Variants in SMPX observed in about 807,000 individuals in gnomAD.
SMPX encodes small muscle protein X-linked, also known as small muscular protein.
A neutral mutation model predicts 6.3 loss-of-function variants in SMPX; 2 were observed. That is an observed-to-expected ratio of 0.32 (90% CI 0.13 to 0.99). The LOEUF (loss-of-function observed/expected upper bound fraction) is 0.99. SMPX is among the 50% of genes least tolerant of loss of function. The pLI, the probability that SMPX is intolerant of heterozygous loss-of-function variation, is 0.49. For synonymous variants in SMPX, 32 were observed against 24.7 expected (o/e 1.30, Z -0.88); for missense variants, 60 against 66.8 (o/e 0.90, Z 0.36).
intron 2 of SMPX, among the ~76,000 whole-genome samples, chrX:21,745,688 G>GA (rs2092820710): frequency 9.0e-6 from 1 of 111,545 alleles, no homozygotes; most frequent in African/African-American, 3.3e-5. Context: ...GACTATTTGG[G>GA]AAAAAGTTAA....
chrX:21,712,473 G>T (rs184598400), intron 4 of SMPX, among the ~76,000 whole-genome samples: 155 of 111,417 alleles, frequency 1.4e-3, no homozygotes, highest in African/African-American at 4.6e-3. Context: ...TAATCCTATT[G>T]TATTGAGAGT....
chrX:21,711,174 C>T (rs948628535), intron 4 of SMPX, among the ~76,000 whole-genome samples: 4 of 111,993 alleles, frequency 3.6e-5, no homozygotes, highest in Non-Finnish European at 3.8e-5. Flanking sequence ...TACCAGAATA[C>T]AAAAATTCGG....
chrX:21,741,026 C>T (rs1473008387), intron 3 of SMPX, among the ~76,000 whole-genome samples: 4 of 112,303 alleles, frequency 3.6e-5, no homozygotes, highest in African/African-American at 1.3e-4. Context: ...GTGTTGGGCA[C>T]ATGCCCATCT....
chrX:21,738,521 G>C (rs2092812947), intron 3 of SMPX, among the ~76,000 whole-genome samples: 1 of 110,675 alleles, frequency 9.0e-6, no homozygotes, highest in Admixed American at 9.6e-5. Flanking sequence ...ATTTGCTAGA[G>C]GTGGTGTGTA....
At chrX:21,717,572 T>C (rs917826270) in intron 4 of SMPX, among the ~76,000 whole-genome samples, 2 of 112,619 alleles carry the variant, frequency 1.8e-5, no homozygotes, top group Non-Finnish European at 3.7e-5. Flanking sequence ...TAGTTTTATA[T>C]GGCCTACATT....
At chrX:21,712,399 C>T (rs902480716) in intron 4 of SMPX, among the ~76,000 whole-genome samples, 2 of 112,041 alleles carry the variant, frequency 1.8e-5, no homozygotes, top group Non-Finnish European at 3.8e-5. Flanking sequence ...CGGGATAATT[C>T]GAGTGACCAT....
chrX:21,707,832 C>T (rs1237968846), intron 4 of SMPX, among the ~76,000 whole-genome samples: 4 of 112,414 alleles, frequency 3.6e-5, no homozygotes, highest in Non-Finnish European at 7.5e-5. Flanking sequence ...AACCAGGCCC[C>T]ATGTAGAGCA....
chrX:21,754,615 A>G (rs2092830867), intron 1 of SMPX, among the ~76,000 whole-genome samples: 1 of 112,041 alleles, frequency 8.9e-6, no homozygotes, highest in Non-Finnish European at 1.9e-5. Context: ...TTCTGCCAAG[A>G]GCAGCAAAGC....
At chrX:21,731,650 A>G (rs1038708134) in intron 4 of SMPX, among the ~76,000 whole-genome samples, 2 of 100,247 alleles carry the variant, frequency 2.0e-5, no homozygotes, top group Non-Finnish European at 4.1e-5. Context: ...ACATGTACAC[A>G]TAAGTGTGTA....
chrX:21,721,262 T>C (rs2092791438), intron 4 of SMPX, among the ~76,000 whole-genome samples: 1 of 111,222 alleles, frequency 9.0e-6, no homozygotes, highest in African/African-American at 3.3e-5. Context: ...GGAGCTAGAG[T>C]ATTCTCAGCC....
At chrX:21,755,196 A>G (rs1033935437) in intron 1 of SMPX, among the ~76,000 whole-genome samples, 1 of 112,572 alleles carries the variant, frequency 8.9e-6, no homozygotes, top group Admixed American at 9.4e-5. Flanking sequence ...GGCCTATTAA[A>G]TGTCAGCAGG....
Position 21,731,830 on chromosome X carries a change from T to TTATATATA in SMPX, c.*14+5711_*14+5718dup, listed in dbSNP as rs59393701. On this transcript the variant is annotated intron_variant, in intron 4 of 4. Coordinates refer to ENST00000379494, the MANE Select transcript of SMPX (RefSeq NM_014332.3). ...CACATACATAATGTATATATACACA[T>TTATATATA]TATATATATATATATATATGTTAGG... 1.1e-3 allele frequency among the ~76,000 whole-genome samples: 110 copies of TTATATATA among 99,019 alleles called. 1 individual carries two copies. Among genetic ancestry groups the TTATATATA allele is most frequent in the African/African-American group, 3.9e-3 (105 of 26,797 alleles). The allele number at this position is 99,019 out of a possible 115,157, so 86.0% of individuals were successfully genotyped here. A position where few individuals can be genotyped will look rare whatever the true frequency, so the allele number is the denominator to read the frequency against.
chrX:21,744,286 C>T (rs1001069580), intron 2 of SMPX, among the ~76,000 whole-genome samples: 1 of 111,734 alleles, frequency 8.9e-6, no homozygotes, highest in Admixed American at 9.5e-5. Flanking sequence ...GAGACATTTA[C>T]ACGCCCTAAG....
intron 4 of SMPX, among the ~76,000 whole-genome samples, chrX:21,712,089 A>C (rs1466103348): frequency 8.9e-6 from 1 of 112,391 alleles, no homozygotes; most frequent in African/African-American, 3.2e-5. Flanking sequence ...CGCTCAGCCT[A>C]GAATTGCACC....
At chrX:21,728,253 T>A (rs866173263) in intron 4 of SMPX, among the ~76,000 whole-genome samples, 2 of 71,338 alleles carry the variant, frequency 2.8e-5, no homozygotes, top group African/African-American at 5.0e-5. Context: ...TCTCTCTCTC[T>A]CTCTCTCTCT....
chrX:21,747,916 T>C (rs766557944), intron 2 of SMPX, among the ~76,000 whole-genome samples: 5 of 111,753 alleles, frequency 4.5e-5, no homozygotes, highest in Non-Finnish European at 9.4e-5. Context: ...CATTCTTCTG[T>C]AGCACGGGCA....
intron 4 of SMPX, among the ~76,000 whole-genome samples, chrX:21,726,606 G>A (rs1260288890): frequency 1.8e-5 from 2 of 111,698 alleles, no homozygotes; most frequent in African/African-American, 6.5e-5. Context: ...TGGAACTATC[G>A]GTGCCTGTTG....
intron 2 of SMPX, among the ~76,000 whole-genome samples, chrX:21,748,511 TA>T (rs755790623): frequency 1.3e-4 from 15 of 111,239 alleles, no homozygotes; most frequent in South Asian, 7.6e-4. Flanking sequence ...GATGTCAACA[TA>T]AAAAAAATGA....
chrX:21,753,657 T>C (rs189576005), intron 2 of SMPX, among the ~76,000 whole-genome samples: 1 of 112,233 alleles, frequency 8.9e-6, no homozygotes, highest in African/African-American at 3.2e-5. Flanking sequence ...ATACTGCAAG[T>C]TATTTTCATA....
Sources: allele counts gnomAD v4.1 joint callset (sites outside exome capture counted in the v4.1 genomes callset), GRCh38; gene constraint gnomAD v4.1.1; transcripts MANE v1.5; gene names NCBI Gene and HGNC (gene_info 2026-07-23, HGNC 2026-07-21).